The following GRIK1 variants were observed in gnomAD, a reference collection of about 807,000 sequenced individuals.
GRIK1 encodes glutamate receptor ionotropic, kainate 1.
In GRIK1, 69 loss-of-function variants were observed where a neutral mutation model predicts 105.7. The ratio of observed to expected loss-of-function variants is 0.65; its 90% CI spans 0.54 to 0.80. The LOEUF is 0.80. GRIK1 is among the 30% of genes least tolerant of loss of function. The pLI is 0.00. For missense variants in GRIK1, 1,109 were observed against 1,167.3 expected (o/e 0.95, Z 0.73); for synonymous variants, 438 against 431.3 (o/e 1.02, Z -0.19).
At position 29,657,186 on chromosome 21, in the gene GRIK1, G is replaced by C. The variant is rs910859766; in HGVS notation, c.727-2323C>G. On this transcript the variant is annotated intron_variant, in intron 4 of 17. Coordinates refer to ENST00000327783, the MANE Select transcript of GRIK1 (RefSeq NM_001330994.2). ...AGGGAACTGGGCAGGTTTCATGTGA[G>C]GATATAGGGCTGAATGCTAAGGTTT... Among the ~76,000 whole-genome samples the C allele has an allele frequency of 2.6e-5, 4 of 152,300 alleles. No homozygotes were observed. In the East Asian group the frequency reaches 5.8e-4, roughly 22 times the overall value.
At chr21:29,590,412 C>T (rs73348579) in intron 10 of GRIK1, among the ~76,000 whole-genome samples, 2 of 152,116 alleles carry the variant, frequency 1.3e-5, no homozygotes, top group African/African-American at 2.4e-5. Context: ...AATAAGCAAC[C>T]GGTAGCTGTA....
chr21:29,899,284 C>T (rs1455559793), intron 1 of GRIK1, among the ~76,000 whole-genome samples: 1 of 152,206 alleles, frequency 6.6e-6, no homozygotes, highest in Non-Finnish European at 1.5e-5. Flanking sequence ...AGTTTAGCTT[C>T]GAGTAAGTAT....
chr21:29,739,714 A>G (rs1442613479), intron 1 of GRIK1, among the ~76,000 whole-genome samples: 1 of 152,228 alleles, frequency 6.6e-6, no homozygotes, highest in Non-Finnish European at 1.5e-5. Flanking sequence ...CCAAATATAT[A>G]ATTTCCAACA....
At chr21:29,908,487 C>G (rs1002620963) in intron 1 of GRIK1, among the ~76,000 whole-genome samples, 1 of 152,050 alleles carries the variant, frequency 6.6e-6, no homozygotes, top group Non-Finnish European at 1.5e-5. Context: ...AACAGCAGAG[C>G]GTACCTTCAG....
intron 1 of GRIK1, among the ~76,000 whole-genome samples, chr21:29,891,999 GTATT>G (rs552539323): frequency 1.3e-5 from 2 of 152,186 alleles, no homozygotes; most frequent in Non-Finnish European, 2.9e-5. Flanking sequence ...GAATTAAAGT[GTATT>G]TGATTCTCAT....
chr21:29,583,282 A>C (rs1192393338), intron 12 of GRIK1, among the ~76,000 whole-genome samples: 1 of 152,216 alleles, frequency 6.6e-6, no homozygotes, highest in East Asian at 1.9e-4. Flanking sequence ...TAGCCATAGT[A>C]GTTTGCTGAG....
At position 29,734,164 on chromosome 21, in the gene GRIK1, A is replaced by C. The variant is rs1273863121; in HGVS notation, c.119-40101T>G. ...CTTATTTAATCTGAAGAGGCTTATA[A>C]ATAAAAATGCCCCACTTCCAAGCAC... On this transcript the variant is annotated intron_variant, in intron 1 of 17. Transcript: ENST00000327783. Among the ~76,000 whole-genome samples, 3 of 152,044 alleles carry C rather than the reference A, an allele frequency of 2.0e-5. No homozygotes were observed. In the East Asian group the frequency reaches 5.8e-4, roughly 29 times the overall value.
At chr21:29,552,436 CA>C (rs2090151002) in intron 16 of GRIK1, among the ~76,000 whole-genome samples, 1 of 152,062 alleles carries the variant, frequency 6.6e-6, no homozygotes, top group Non-Finnish European at 1.5e-5. Flanking sequence ...ACTTTGAATG[CA>C]GATGGAAAAT....
At chr21:29,551,634 T>A in intron 16 of GRIK1, among the ~76,000 whole-genome samples, 1 of 151,140 alleles carries the variant, frequency 6.6e-6, no homozygotes. Flanking sequence ...AGTATAGAAA[T>A]ATTAACTTTT....
At chr21:29,826,646 CAT>C (rs1491209800) in intron 1 of GRIK1, among the ~76,000 whole-genome samples, 3 of 151,598 alleles carry the variant, frequency 2.0e-5, no homozygotes, top group African/African-American at 4.9e-5. Context: ...TTTTACATAG[CAT>C]GTGTGTGTGT....
chr21:29,930,345 T>A (rs1259426172), intron 1 of GRIK1, among the ~76,000 whole-genome samples: 1 of 152,202 alleles, frequency 6.6e-6, no homozygotes, highest in Non-Finnish European at 1.5e-5. Context: ...AAGTATGTAA[T>A]CCAACATTTT....
At chr21:29,630,648 C>A in intron 7 of GRIK1, 1 of 468,786 alleles carries the variant, frequency 2.1e-6, no homozygotes, top group Middle Eastern at 3.3e-4. Flanking sequence ...CAGCCAACAC[C>A]CTTCTCAGCT....
intron 1 of GRIK1, among the ~76,000 whole-genome samples, chr21:29,799,443 C>A (rs938227136): frequency 8.5e-5 from 13 of 152,178 alleles, no homozygotes; most frequent in African/African-American, 2.9e-4. Context: ...TAAAGGCCAA[C>A]CTCAGATTTA....
intron 1 of GRIK1, among the ~76,000 whole-genome samples, chr21:29,812,217 G>A (rs2067028941): frequency 6.6e-6 from 1 of 152,098 alleles, no homozygotes; most frequent in Non-Finnish European, 1.5e-5. Context: ...CTCAATCTCT[G>A]GAGTAGCACC....
chr21:29,889,847 C>A (rs192801987), intron 1 of GRIK1, among the ~76,000 whole-genome samples: 150 of 151,960 alleles, frequency 9.9e-4, no homozygotes, highest in Middle Eastern at 3.4e-3. Context: ...ATAGAATTAT[C>A]CATAAAGAAG....
At chr21:29,831,678 C>A (rs890022267) in intron 1 of GRIK1, among the ~76,000 whole-genome samples, 1 of 152,052 alleles carries the variant, frequency 6.6e-6, no homozygotes, top group Admixed American at 6.6e-5. Flanking sequence ...AATCAGCCCC[C>A]ATGATCAAAA....
At chr21:29,709,278 CTT>C (rs35378548) in intron 1 of GRIK1, among the ~76,000 whole-genome samples, 8 of 127,880 alleles carry the variant, frequency 6.3e-5, no homozygotes, top group Admixed American at 1.6e-4. Flanking sequence ...TACTCTTCTT[CTT>C]TTTTTTTTTT....
Position 29,793,694 on chromosome 21 carries a change from T to A in GRIK1, c.119-99631A>T, listed in dbSNP as rs182294461. Among the ~76,000 whole-genome samples the A allele has an allele frequency of 1.8e-3, 281 of 152,322 alleles. 2 individuals carry two copies. Among genetic ancestry groups the A allele is most frequent in the East Asian group, 2.3e-3 (12 of 5,182 alleles). ...ATTCAGGTTAACTAGAAAGGGCTACTAGAAGACCAGCAAATTAGCTGAATT... is the reference window on the plus strand; with the variant it reads ...ATTCAGGTTAACTAGAAAGGGCTACAAGAAGACCAGCAAATTAGCTGAATT... On this transcript the variant is annotated intron_variant, in intron 1 of 17. Coordinates refer to ENST00000327783, the MANE Select transcript of GRIK1 (RefSeq NM_001330994.2).
At chr21:29,884,662 A>C (rs2146196197) in intron 1 of GRIK1, among the ~76,000 whole-genome samples, 1 of 152,222 alleles carries the variant, frequency 6.6e-6, no homozygotes, top group Middle Eastern at 3.4e-3. Context: ...GTAATAACTG[A>C]AAACATAGAT....
Sources: gnomAD v4.1 joint callset for allele counts (sites outside exome capture counted in the v4.1 genomes callset) on GRCh38, gnomAD v4.1.1 for gene constraint, MANE v1.5 for transcripts, NCBI Gene and HGNC (gene_info 2026-07-23, HGNC 2026-07-21) for gene names.